Variants in CUL7 observed in about 807,000 individuals in gnomAD.
CUL7 encodes the protein cullin-7.
Under a neutral mutation model 177.7 loss-of-function variants are expected in CUL7, and 96 were observed. The observed-to-expected ratio is 0.54, with a 90% CI of 0.46 to 0.64. The LOEUF (loss-of-function observed/expected upper bound fraction) is 0.64, where lower values mean the gene tolerates loss of function less well. CUL7 is among the 30% of genes least tolerant of loss of function. The pLI is 0.00. For synonymous variants in CUL7, 824 were observed against 890.2 expected (o/e 0.93, Z 1.32); for missense variants, 1,893 against 2,187.9 (o/e 0.87, Z 2.69).
At position 43,049,702 on chromosome 6, in the gene CUL7, C is replaced by T. The variant is rs200995067; in HGVS notation, c.1570-40G>A. On this transcript the variant is annotated intron_variant, in intron 6 of 25. Transcript: ENST00000265348. Reference sequence around the variant, plus strand: ...AAGCTCTCACTGCAGACAGCCCTGCCGACCCAGAGGCCCCAGGGAGCACTT... The same window carrying T: ...AAGCTCTCACTGCAGACAGCCCTGCTGACCCAGAGGCCCCAGGGAGCACTT... The T allele has an allele frequency of 2.2e-3, 3,526 of 1,611,644 alleles. 6 individuals are homozygous for T. Among genetic ancestry groups the T allele is most frequent in the Non-Finnish European group, 2.6e-3 (3,021 of 1,178,974 alleles).
chr6:43,046,102 G>A lies in CUL7; in HGVS notation c.2661-11C>T, dbSNP rs1292026157. On this transcript the variant is annotated splice_polypyrimidine_tract_variant and intron_variant, in intron 12 of 25. Coordinates refer to ENST00000265348, the MANE Select transcript of CUL7 (RefSeq NM_014780.5). ...AGCAGAGTCAGTTGCCTGGGAGTGG[G>A]GAGGAAAAACCATTTGGAACTTGTA... is the stretch of plus-strand genomic sequence containing the variant. 3 of 1,613,740 alleles carry A rather than the reference G, an allele frequency of 1.9e-6. No individual in the cohort carries two copies. The South Asian group carries it at 3.3e-5, about 18-fold the overall frequency.
rs1443660618 is a variant in CUL7, at chr6:43,045,749, C to A, written c.2767-67G>T. 59 of 1,533,130 alleles carry A rather than the reference C, an allele frequency of 3.8e-5. No homozygotes were observed. The Middle Eastern group carries it at 5.1e-4, about 13-fold the overall frequency. 95.0% of individuals were successfully genotyped at this position (1,533,130 alleles called of 1,614,324 possible). A position where few individuals can be genotyped will look rare whatever the true frequency, so the allele number is the denominator to read the frequency against. ...AGCCAAGTTGGCTCTAGGCTCCAGT[C>A]CCCTCACTGTTTCCCTCCCTTCCCC... On this transcript the variant is annotated intron_variant, in intron 13 of 25. Transcript: ENST00000265348. This position sits in a 1 kb window ranked among gnomAD's most constrained non-coding sequence, Gnocchi z 4.8.
chr6:43,040,078 G>A lies in CUL7; in HGVS notation c.4294+78C>T. 1 of 1,539,262 alleles carries A rather than the reference G, an allele frequency of 6.5e-7. No individual in the cohort carries two copies. Among genetic ancestry groups the A allele is most frequent in the Non-Finnish European group, 9.0e-7 (1 of 1,112,682 alleles). On this transcript the variant is annotated intron_variant, in intron 22 of 25. Coordinates refer to ENST00000265348, the MANE Select transcript of CUL7 (RefSeq NM_014780.5). The surrounding 1 kb of genome is among the most constrained non-coding windows in gnomAD (Gnocchi z 4.2). ...TTTACATCAAGCCTCCCAACATCAG[G>A]GTCTGCCCCCAACCCCAGGTCCTTT...
intron 25 of CUL7, 34 bp from the exon 26 acceptor site, chr6:43,038,045 T>G: frequency 6.4e-7 from 1 of 1,570,018 alleles, no homozygotes; most frequent in Non-Finnish European, 8.6e-7. Context: ...AGCGGTAGTT[T>G]AGAGGCAGCT....
At chr6:43,042,073 A>AGGAG (rs541008563) in intron 19 of CUL7, among the ~76,000 whole-genome samples, 1 of 137,476 alleles carries the variant, frequency 7.3e-6, no homozygotes, top group Non-Finnish European at 1.6e-5. Flanking sequence ...GAGAAAGAGA[A>AGGAG]GGAGGGAGGG....
chr6:43,049,318 G>C, intron 7 of CUL7, 89 bp downstream of exon 7: 1 of 1,572,394 alleles, frequency 6.4e-7, no homozygotes, highest in East Asian at 2.2e-5. Context: ...ATCACTTCCA[G>C]AAAGGATTGC....
chr6:43,047,900 C>T (rs1016808465), intron 9 of CUL7: 1 of 559,302 alleles, frequency 1.8e-6, no homozygotes. Flanking sequence ...GTGGGGGACC[C>T]TGGGGGAACA....
rs3805945 is a variant in CUL7, at chr6:43,039,244, T to C, written c.4295-257A>G. Among the ~76,000 whole-genome samples the C allele has an allele frequency of 0.09, 13,676 of 152,154 alleles. 878 individuals carry two copies. Among genetic ancestry groups the C allele is most frequent in the East Asian group, 0.18 (938 of 5,166 alleles). On this transcript the variant is annotated intron_variant, in intron 22 of 25. Transcript: ENST00000265348. The stretch of plus-strand genomic sequence containing the variant: ...AGGTTCTCATCAGTGCCTTCGAGGA[T>C]TGCCCCATGTGTTTTTAGGGAGACA...
At chr6:43,048,645 A>C in intron 7 of CUL7, 76 bp from the exon 8 acceptor site, 1 of 1,012,796 alleles carries the variant, frequency 9.9e-7, no homozygotes, top group Non-Finnish European at 1.5e-6. Flanking sequence ...CATAACTCTC[A>C]ATCTTTTTCT....
chr6:43,046,211 CA>C, intron 12 of CUL7, 24 bp downstream of exon 12: 1 of 1,614,138 alleles, frequency 6.2e-7, no homozygotes, highest in Non-Finnish European at 8.5e-7. Context: ...ACGTGTGTGG[CA>C]AAGCACATGT....
rs766138649 is a variant in CUL7 at position 43,038,024 on chromosome 6, A to C, written c.4774-13T>G. The stretch of plus-strand genomic sequence containing the variant: ...AAGCCTCCAGCACCTGGTGTGGGGG[A>C]GGAAGGGAGAAGCGGTAGTTTAGAG... On this transcript the variant is annotated splice_polypyrimidine_tract_variant and intron_variant, in intron 25 of 25. Transcript: ENST00000265348. 3.8e-6 allele frequency: 6 copies of C among 1,584,878 alleles called. No individual in the cohort carries two copies. The South Asian group carries it at 7.0e-5, about 18-fold the overall frequency.
At position 43,049,968 on chromosome 6, in the gene CUL7, C is replaced by T. The variant is rs769434346; in HGVS notation, c.1564G>A (p.Gly522Arg). 2 of 1,613,988 alleles carry T rather than the reference C, an allele frequency of 1.2e-6. No individual in the cohort carries two copies. Among genetic ancestry groups the T allele is most frequent in the South Asian group, 1.1e-5 (1 of 91,068 alleles). ...VLQILQENLD[G>R]EILDDEILAE... ...TGTCTCCAGGCTGGCTCTACCTCCC[C>T]ATCTAGGTTCTCCTGGAGGATCTGG... The change falls in exon 6 of 26, where the codon GGG (glycine) becomes AGG (arginine). Residue 522 changes from glycine (G) to arginine (R), a missense_variant. Coordinates refer to ENST00000265348, the MANE Select transcript of CUL7 (RefSeq NM_014780.5).
chr6:43,051,081 G>A lies in CUL7; in HGVS notation c.1120C>T (p.Arg374Trp), dbSNP rs748646440. ...CGCATCCCCGGCTGCAGTGTGTCCC[G>A]CACATACAAAGCATAGGTATTGCCA... ...ASGNTYALYVRDTLQPGMRVR... is the reference protein window; with the variant it reads ...ASGNTYALYVWDTLQPGMRVR... Residue 374 changes from arginine to tryptophan, a missense_variant, in exon 4 of 26, where the codon CGG becomes TGG. Arg to Trp is a moderately radical substitution (Grantham distance 101). Coordinates refer to ENST00000265348, the MANE Select transcript of CUL7 (RefSeq NM_014780.5). The surrounding 1 kb of genome is among the most constrained non-coding windows in gnomAD (Gnocchi z 5.0). The A allele has an allele frequency of 2.4e-5, 39 of 1,614,034 alleles. No homozygotes were observed. The highest frequency in any genetic ancestry group is 3.2e-5 in the Non-Finnish European group (38 of 1,180,048).
At position 43,043,620 on chromosome 6, in the gene CUL7, G is replaced by T; in HGVS notation, c.3183C>A (p.Gly1061=). The change falls in exon 17 of 26, where the codon GGC becomes GGA. Residue 1061 remains glycine, a synonymous_variant. Transcript: ENST00000265348. This position sits in a 1 kb window ranked among gnomAD's most constrained non-coding sequence, Gnocchi z 4.2. ...CCAGCAGCCAACCCAGGGGGCTAAT[G>T]CCATCCTCATCTAGAGGGTGAGATA... The part of the protein sequence containing the change: ...VQNITSPDED[G]ISPLGWLLDQ... 6.2e-7 allele frequency: 1 copy of T among 1,605,028 alleles called. No individual in the cohort carries two copies. The highest frequency in any genetic ancestry group is 8.5e-7 in the Non-Finnish European group (1 of 1,174,800).
At position 43,045,813 on chromosome 6, in the gene CUL7, A is replaced by AT; in HGVS notation, c.2767-132dup. 8.7e-7 allele frequency: 1 copy of AT among 1,155,022 alleles called. No homozygotes were observed. Among genetic ancestry groups the AT allele is most frequent in the African/African-American group, 1.5e-5 (1 of 65,576 alleles). The allele number at this position is 1,155,022 out of a possible 1,614,324, so 71.5% of individuals were successfully genotyped here. A position where few individuals can be genotyped will look rare whatever the true frequency, so the allele number is the denominator to read the frequency against. ...GTAGGGTCCTGACAAAGCTGTCCTCATGCCACCCTCATTGTTCAGGGCCTG... is the reference window on the plus strand; with the variant it reads ...GTAGGGTCCTGACAAAGCTGTCCTCATTGCCACCCTCATTGTTCAGGGCCTG... On this transcript the variant is annotated intron_variant, in intron 13 of 25. Transcript: ENST00000265348. The surrounding 1 kb of genome is among the most constrained non-coding windows in gnomAD (Gnocchi z 4.8).
rs1477125660 is a variant in CUL7 at position 43,053,738 on chromosome 6, AG to A, written c.-126del. ...GGGCCCCGCGAGGGGGTCGAGACGG[AG>A]AGACGGGAGGGGGCGTGCCTCCGCG... On this transcript the variant is annotated 5_prime_UTR_variant, in exon 1 of 26. Transcript: ENST00000265348. This position sits in a 1 kb window ranked among gnomAD's most constrained non-coding sequence, Gnocchi z 4.1. 1 of 1,480,058 alleles carries A rather than the reference AG, an allele frequency of 6.8e-7. No individual in the cohort carries two copies. The highest frequency in any genetic ancestry group is 1.3e-5 in the South Asian group (1 of 78,988). The allele number at this position is 1,480,058 out of a possible 1,614,324, so 91.7% of individuals were successfully genotyped here. A position where few individuals can be genotyped will look rare whatever the true frequency, so the allele number is the denominator to read the frequency against.
Position 43,049,477 on chromosome 6 carries a change from G to C in CUL7, c.1755C>G (p.Ala585=). ...CGTCTAGCAGGAGGACATCTTCTTG[G>C]GCTTCTAGAAGGGATGGGTAGGCTT... ...GNQAYPSLLE[A]QEDVLLLDAQ... is the part of the protein sequence containing the mutation. The change falls in exon 7 of 26, where the codon GCC becomes GCG. Residue 585 remains alanine (A), a synonymous_variant. Coordinates refer to ENST00000265348, the MANE Select transcript of CUL7 (RefSeq NM_014780.5). 1 of 1,614,154 alleles carries C rather than the reference G, an allele frequency of 6.2e-7. No homozygotes were observed. Among genetic ancestry groups the C allele is most frequent in the Non-Finnish European group, 8.5e-7 (1 of 1,180,026 alleles).
chr6:43,049,858 A>G (rs1028819706), intron 6 of CUL7, 105 bp downstream of exon 6: 1 of 1,376,588 alleles, frequency 7.3e-7, no homozygotes, highest in African/African-American at 1.4e-5. Context: ...AGCCCCTTCC[A>G]CTCTCTGACC....
In CUL7 at chr6:43,037,714, T is replaced by C. The variant is rs1763061975; in HGVS notation, c.5071A>G (p.Thr1691Ala). 1 of 1,560,108 alleles carries C rather than the reference T, an allele frequency of 6.4e-7. No individual in the cohort carries two copies. Among genetic ancestry groups the C allele is most frequent in the South Asian group, 1.2e-5 (1 of 84,726 alleles). ...TACCGGAAGGTAGAGAAGCTCTGGG[T>C]GGCAGTGCAGGAGGCATAGGGCACA... ...RGVPYASCTA[T>A]QSFSTFR The change falls in exon 26 of 26, where the codon ACC (threonine) becomes GCC (alanine). Residue 1691 changes from threonine to alanine, a missense_variant. Transcript: ENST00000265348.
Sources: allele counts gnomAD v4.1 joint callset (sites outside exome capture counted in the v4.1 genomes callset), GRCh38; gene constraint gnomAD v4.1.1; non-coding constraint Gnocchi (gnomAD v3.1); transcripts MANE v1.5; gene names NCBI Gene and HGNC (gene_info 2026-07-23, HGNC 2026-07-21).